Variants in ITGB3 observed in about 807,000 individuals in gnomAD.
The protein encoded by ITGB3 is integrin beta-3.
ITGB3 carries 48 observed loss-of-function variants against 85.8 expected under a neutral mutation model. That is an observed-to-expected ratio of 0.56 (90% CI 0.44 to 0.71). ITGB3 has a LOEUF of 0.71. Among genes scored for constraint, ITGB3 ranks in the 30% least tolerant of loss-of-function variants. The probability of loss-of-function intolerance (pLI) is 0.00; values close to 1 mark genes in which losing one functional copy is unlikely to be tolerated. For synonymous variants in ITGB3, 363 were observed against 395.6 expected (o/e 0.92, Z 0.98); for missense variants, 861 against 1,019.1 (o/e 0.84, Z 2.11).
chr17:47,295,573 C>T (rs1484657005), intron 10 of ITGB3, among the ~76,000 whole-genome samples: 15 of 152,170 alleles, frequency 9.9e-5, no homozygotes, highest in Admixed American at 9.8e-4. Context: ...CTGGCTCTGA[C>T]CTGTCACTTC....
intron 1 of ITGB3, among the ~76,000 whole-genome samples, chr17:47,255,298 G>A (rs968451328): frequency 6.6e-6 from 1 of 152,042 alleles, no homozygotes; most frequent in Non-Finnish European, 1.5e-5. Flanking sequence ...TTTAAAAAGG[G>A]AAGATTTGTT....
At chr17:47,306,087 GCTGTAACATC>G (rs1241526178) in intron 13 of ITGB3, among the ~76,000 whole-genome samples, 2 of 152,134 alleles carry the variant, frequency 1.3e-5, no homozygotes, top group Non-Finnish European at 2.9e-5. Flanking sequence ...AGGGAGTCTG[GCTGTAACATC>G]CACAGGAGCG....
chr17:47,293,226 CCTT>C (rs2065133985), intron 10 of ITGB3, among the ~76,000 whole-genome samples: 1 of 152,092 alleles, frequency 6.6e-6, no homozygotes. Context: ...AATTTTAAGT[CCTT>C]CTACTCAGCA....
At chr17:47,308,511 TTC>T (rs1217874943) in intron 14 of ITGB3, among the ~76,000 whole-genome samples, 38 of 152,178 alleles carry the variant, frequency 2.5e-4, no homozygotes, top group Middle Eastern at 3.4e-3. Context: ...ATGTGTTTCT[TTC>T]TCTTTTTTTT....
chr17:47,287,253 A>C (rs13306478), intron 6 of ITGB3, 22 bp downstream of exon 6: 2 of 1,612,856 alleles, frequency 1.2e-6, no homozygotes, highest in South Asian at 1.1e-5. Context: ...GGCACCACCT[A>C]TGGTTTCTAT....
intron 6 of ITGB3, among the ~76,000 whole-genome samples, chr17:47,287,457 CTG>C (rs1804496845): frequency 6.6e-6 from 1 of 152,222 alleles, no homozygotes; most frequent in Non-Finnish European, 1.5e-5. Flanking sequence ...ACTGCCTTCA[CTG>C]TCACCAGCAT....
chr17:47,272,558 T>C (rs1260045608), intron 1 of ITGB3, among the ~76,000 whole-genome samples: 1 of 152,166 alleles, frequency 6.6e-6, no homozygotes, highest in Non-Finnish European at 1.5e-5. Flanking sequence ...TACATACTCT[T>C]AGAAAATCAG....
chr17:47,270,487 A>T (rs1049002012), intron 1 of ITGB3, among the ~76,000 whole-genome samples: 2 of 152,244 alleles, frequency 1.3e-5, no homozygotes, highest in Non-Finnish European at 2.9e-5. Context: ...CAGCTCATGC[A>T]GGGAGAAGTC....
intron 1 of ITGB3, among the ~76,000 whole-genome samples, chr17:47,264,898 T>C (rs2065020279): frequency 6.6e-6 from 1 of 152,248 alleles, no homozygotes; most frequent in Non-Finnish European, 1.5e-5. Flanking sequence ...TCTTACAGCA[T>C]TTGCCACTGT....
intron 9 of ITGB3, 45 bp from the exon 10 acceptor site, chr17:47,292,094 A>G: frequency 2.5e-6 from 4 of 1,601,468 alleles, no homozygotes; most frequent in Non-Finnish European, 3.4e-6. Context: ...CTGGAGTGTT[A>G]ACTGGGCCCA....
chr17:47,296,467 C>A (rs942223708), intron 10 of ITGB3, among the ~76,000 whole-genome samples: 10 of 152,148 alleles, frequency 6.6e-5, no homozygotes, highest in African/African-American at 2.4e-4. Context: ...CTCCTGGGCT[C>A]AAGTGATCAA....
At position 47,284,478 on chromosome 17, in the gene ITGB3, G is replaced by C; in HGVS notation, c.397G>C (p.Val133Leu). 6.2e-7 allele frequency: 1 copy of C among 1,614,114 alleles called. No homozygotes were observed. Among genetic ancestry groups the C allele is most frequent in the Non-Finnish European group, 8.5e-7 (1 of 1,179,996 alleles). ...GAATTTCTCCATCCAAGTGCGGCAGGTGGAGGATTACCCTGTGGACATCTA... is the reference window on the plus strand; with the variant it reads ...GAATTTCTCCATCCAAGTGCGGCAGCTGGAGGATTACCCTGTGGACATCTA... Reference protein sequence around the residue: ...SKNFSIQVRQVEDYPVDIYYL... With the variant: ...SKNFSIQVRQLEDYPVDIYYL... Residue 133 changes from valine (V) to leucine (L), a missense_variant, in exon 4 of 15, where the codon GTG (valine) becomes CTG (leucine). Physicochemically the swap from Val to Leu is conservative, Grantham distance 32. Transcript: ENST00000559488.
chr17:47,274,553 T>C, intron 2 of ITGB3, 49 bp downstream of exon 2: 2 of 1,533,150 alleles, frequency 1.3e-6, no homozygotes, highest in Non-Finnish European at 1.8e-6. Flanking sequence ...TAAGCTGCTT[T>C]TGTGCAGAAA....
chr17:47,276,129 C>G (rs1240097279), intron 2 of ITGB3, among the ~76,000 whole-genome samples: 1 of 152,282 alleles, frequency 6.6e-6, no homozygotes, highest in South Asian at 2.1e-4. Flanking sequence ...TAGTGTCACT[C>G]AAAGGGTGCT....
At position 47,258,110 on chromosome 17, in the gene ITGB3, G is replaced by A. The variant is rs561248675; in HGVS notation, c.79+4170G>A. ...TGAATCAGAAGACAGATAATTAACC[G>A]AGGGAGTGACTGAGCAGCTTCAGGG... On this transcript the variant is annotated intron_variant, in intron 1 of 14. Transcript: ENST00000559488. 7.6e-4 allele frequency among the ~76,000 whole-genome samples: 116 copies of A among 152,238 alleles called. 1 individual carries two copies. Among genetic ancestry groups the A allele is most frequent in the African/African-American group, 2.7e-3 (112 of 41,524 alleles).
intron 13 of ITGB3, among the ~76,000 whole-genome samples, chr17:47,306,869 G>A (rs2065190161): frequency 6.6e-6 from 1 of 151,724 alleles, no homozygotes. Context: ...TAGTAGAGAT[G>A]GGGTTTCACC....
chr17:47,254,305 A>G (rs1407323687), intron 1 of ITGB3, among the ~76,000 whole-genome samples: 1 of 152,064 alleles, frequency 6.6e-6, no homozygotes, highest in East Asian at 1.9e-4. Flanking sequence ...CGACTGGCCC[A>G]GGAGCCAAGG....
intron 3 of ITGB3, 42 bp from the exon 4 acceptor site, chr17:47,284,401 G>A (rs759645714): frequency 1.9e-6 from 3 of 1,613,176 alleles, no homozygotes; most frequent in East Asian, 4.5e-5. Context: ...TTCAATCTTG[G>A]TGGGAGAAGA....
chr17:47,284,649 T>C lies in ITGB3; in HGVS notation c.568T>C (p.Tyr190His), dbSNP rs374511162. The C allele has an allele frequency of 1.9e-6, 3 of 1,614,010 alleles. No individual in the cohort carries two copies. The highest frequency in any genetic ancestry group is 3.3e-4 in the Middle Eastern group (2 of 6,084). ...ATTTGTGGACAAGCCTGTGTCACCA[T>C]ACATGTATATCTCCCCACCAGAGGC... ...GAFVDKPVSP[Y>H]MYISPPEALE... Residue 190 changes from tyrosine (Y) to histidine (H), a missense_variant, in exon 4 of 15, where the codon TAC becomes CAC. Physicochemically the swap from Tyr to His is moderately conservative, Grantham distance 83. Coordinates refer to ENST00000559488, the MANE Select transcript of ITGB3 (RefSeq NM_000212.3).
Sources: allele counts gnomAD v4.1 joint callset (sites outside exome capture counted in the v4.1 genomes callset), GRCh38; gene constraint gnomAD v4.1.1; transcripts MANE v1.5; gene names NCBI Gene and HGNC (gene_info 2026-07-23, HGNC 2026-07-21).